DPEP1: variants seen among roughly 807,000 people sequenced by gnomAD.
The protein encoded by DPEP1 is dipeptidase 1.
A neutral mutation model predicts 42.3 loss-of-function variants in DPEP1; 50 were observed. The ratio of observed to expected loss-of-function variants is 1.18; its 90% confidence interval spans 0.94 to 1.50. The LOEUF is 1.50. Among genes scored for constraint, DPEP1 ranks in the 40% most tolerant of loss-of-function variants. The probability of loss-of-function intolerance (pLI) is 0.00; values close to 1 mark genes in which losing one functional copy is unlikely to be tolerated. For missense variants in DPEP1, 663 were observed against 553.0 expected, an observed-to-expected ratio of 1.20 and a Z score of -1.99; for synonymous variants, 297 against 234.0, an observed-to-expected ratio of 1.27 and a Z score of -2.46.
chr16:89,632,297 C>T (rs1207877044), intron 2 of DPEP1, among the ~76,000 whole-genome samples: 2 of 152,206 alleles, frequency 1.3e-5, no homozygotes, highest in Non-Finnish European at 2.9e-5. Flanking sequence ...AGGTGATCCG[C>T]CCGCCTCGGC....
chr16:89,637,018 G>C (rs1336827285), intron 6 of DPEP1, 83 bp downstream of exon 6: 13 of 1,567,224 alleles, frequency 8.3e-6, no homozygotes, highest in Non-Finnish European at 1.1e-5. Context: ...ATCTCCTCAC[G>C]TGGGACCTCA....
rs753647389 is a variant in DPEP1, at chr16:89,636,397, G to A, written c.370+1G>A. The A allele has an allele frequency of 3.7e-6, 6 of 1,610,896 alleles. No individual in the cohort carries two copies. The highest frequency in any genetic ancestry group is 3.3e-5 in the Admixed American group (2 of 59,894). On this transcript the variant is annotated splice_donor_variant, in intron 4 of 10. Coordinates refer to ENST00000690203, the MANE Select transcript of DPEP1 (RefSeq NM_001389466.1). LOFTEE classifies it high-confidence loss of function. ...TTCCTGTATGTCACCAGCAGTGCAG[G>A]TGGGGTCCTGACCTGGGTCCTCCAG... is the stretch of plus-strand genomic sequence containing the variant.
intron 1 of DPEP1, among the ~76,000 whole-genome samples, chr16:89,621,851 G>A (rs2059450564): frequency 6.6e-6 from 1 of 152,172 alleles, no homozygotes; most frequent in South Asian, 2.1e-4. Flanking sequence ...AGGTGTTCTC[G>A]TCTGCGATGA....
rs1195519650 is a variant in DPEP1 at position 89,636,641 on chromosome 16, G to A, written c.479G>A (p.Gly160Asp). The part of the protein sequence containing the change: ...LGVLRALYQL[G>D]MRYLTLTHSC... Reference sequence around the variant, plus strand: ...GTCCTGCGGGCACTCTATCAGCTGGGCATGCGGTACCTGACCCTCACCCAC... The same window carrying A: ...GTCCTGCGGGCACTCTATCAGCTGGACATGCGGTACCTGACCCTCACCCAC... The change falls in exon 5 of 11, where the codon GGC becomes GAC. Residue 160 changes from glycine (G) to aspartate (D), a missense_variant. Transcript: ENST00000690203. The A allele has an allele frequency of 1.2e-6, 2 of 1,612,558 alleles. No homozygotes were observed. Among genetic ancestry groups the A allele is most frequent in the Non-Finnish European group, 1.7e-6 (2 of 1,179,954 alleles).
chr16:89,625,952 C>T (rs968488092), intron 1 of DPEP1, among the ~76,000 whole-genome samples: 1 of 152,202 alleles, frequency 6.6e-6, no homozygotes, highest in East Asian at 1.9e-4. Context: ...ACCCCCAGGA[C>T]GCCCTCGTGT....
chr16:89,637,880 T>C lies in DPEP1; in HGVS notation c.974T>C (p.Ile325Thr). The C allele has an allele frequency of 6.2e-7, 1 of 1,612,696 alleles. No individual in the cohort carries two copies. Among genetic ancestry groups the C allele is most frequent in the Non-Finnish European group, 8.5e-7 (1 of 1,179,862 alleles). Residue 325 changes from isoleucine to threonine, a missense_variant, in exon 10 of 11, where the codon ATC (isoleucine) becomes ACC (threonine). Physicochemically the swap from Ile to Thr is moderately conservative, Grantham distance 89. Transcript: ENST00000690203. ...GACGTCTCCAAGTATCCAGACCTGA[T>C]CGCTGAGCTGCTCAGGAGGAACTGG... ...LEDVSKYPDL[I>T]AELLRRNWTE...
rs142413409 is a variant in DPEP1 at position 89,629,186 on chromosome 16, T to A, written c.-106-1119T>A. Among the ~76,000 whole-genome samples, 281 of 152,308 alleles carry A rather than the reference T, an allele frequency of 1.8e-3. 2 individuals are homozygous for A. The highest frequency in any genetic ancestry group is 5.8e-3 in the African/African-American group (239 of 41,556). On this transcript the variant is annotated intron_variant, in intron 1 of 10. Coordinates refer to ENST00000690203, the MANE Select transcript of DPEP1 (RefSeq NM_001389466.1). ...TTTTTTACATGAATTCTGATTTTTTTAAAATATTGAATGAAAATACGATTT... is the reference window on the plus strand; with the variant it reads ...TTTTTTACATGAATTCTGATTTTTTAAAAATATTGAATGAAAATACGATTT...
chr16:89,623,481 C>A (rs1452194487), intron 1 of DPEP1, among the ~76,000 whole-genome samples: 1 of 152,100 alleles, frequency 6.6e-6, no homozygotes, highest in Admixed American at 6.5e-5. Context: ...GGGAAGTCTG[C>A]AAACCCAACA....
chr16:89,623,462 C>T (rs778946472), intron 1 of DPEP1, among the ~76,000 whole-genome samples: 2 of 152,036 alleles, frequency 1.3e-5, no homozygotes, highest in African/African-American at 4.8e-5. Context: ...AAAGATTGCC[C>T]GCTGCCAAGG....
intron 1 of DPEP1, among the ~76,000 whole-genome samples, chr16:89,621,257 G>C (rs1375035231): frequency 6.6e-6 from 1 of 151,498 alleles, no homozygotes. Flanking sequence ...CCCTGGTGCA[G>C]ATGTGGGCTG....
At chr16:89,618,065 G>A (rs1391209916) in intron 1 of DPEP1, among the ~76,000 whole-genome samples, 1 of 152,002 alleles carries the variant, frequency 6.6e-6, no homozygotes, top group Middle Eastern at 3.2e-3. Context: ...ATCATTCTAA[G>A]TCAAGAAAAA....
chr16:89,639,770 C>T (rs760354976), downstream of DPEP1, among the ~76,000 whole-genome samples: 22 of 152,086 alleles, frequency 1.4e-4, no homozygotes, highest in Non-Finnish European at 2.9e-4. Flanking sequence ...ACTGCAACCT[C>T]CGTCTCCCAG....
chr16:89,613,935 G>A (rs560474280), intron 1 of DPEP1, among the ~76,000 whole-genome samples: 1 of 48,088 alleles, frequency 2.1e-5, no homozygotes, highest in South Asian at 4.9e-4. Flanking sequence ...CTGGGACCAG[G>A]TGTGTGGGGC....
chr16:89,623,966 G>GT (rs2059476346), intron 1 of DPEP1, among the ~76,000 whole-genome samples: 1 of 152,168 alleles, frequency 6.6e-6, no homozygotes, highest in East Asian at 1.9e-4. Context: ...GGGAACAGCG[G>GT]TTGCCCACAC....
chr16:89,621,065 G>A (rs549545921), intron 1 of DPEP1, among the ~76,000 whole-genome samples: 39 of 152,170 alleles, frequency 2.6e-4, no homozygotes, highest in African/African-American at 8.9e-4. Context: ...GGATGGAACC[G>A]GCGGGGGCCT....
chr16:89,620,210 C>T (rs1198379252), intron 1 of DPEP1, among the ~76,000 whole-genome samples: 1 of 151,984 alleles, frequency 6.6e-6, no homozygotes, highest in Non-Finnish European at 1.5e-5. Context: ...AAACTGAGGA[C>T]GGAGTTTGTC....
At chr16:89,632,539 C>CA (rs2151494250) in intron 2 of DPEP1, among the ~76,000 whole-genome samples, 1 of 152,340 alleles carries the variant, frequency 6.6e-6, no homozygotes, top group South Asian at 2.1e-4. Context: ...TCCCCACGAA[C>CA]AGCTGCCTGA....
rs560257544 is a variant in DPEP1 at position 89,638,009 on chromosome 16, C to T, written c.1065+38C>T. Reference sequence around the variant, plus strand: ...TGGCCACCTGAGTCTCCCCCACCACCACCAGCAGGCAGGCTGCCCCACCCG... The same window carrying T: ...TGGCCACCTGAGTCTCCCCCACCACTACCAGCAGGCAGGCTGCCCCACCCG... On this transcript the variant is annotated intron_variant, in intron 10 of 10. Coordinates refer to ENST00000690203, the MANE Select transcript of DPEP1 (RefSeq NM_001389466.1). The T allele has an allele frequency of 3.1e-6, 5 of 1,609,054 alleles. No homozygotes were observed. In the African/African-American group the frequency reaches 5.3e-5, roughly 17 times the overall value.
rs976613374 is a variant in DPEP1 at position 89,638,424 on chromosome 16, C to G, written c.*202C>G. 3 of 1,340,210 alleles carry G rather than the reference C, an allele frequency of 2.2e-6. No homozygotes were observed. The highest frequency in any genetic ancestry group is 3.6e-5 in the Admixed American group (1 of 28,014). 83.0% of individuals were successfully genotyped at this position (1,340,210 alleles called of 1,614,324 possible). ...CAGTAGGCCCGCAATAAAAGCAACA[C>G]CCCTTCACATCCTGGGGTACGTGTC... On this transcript the variant is annotated 3_prime_UTR_variant, in exon 11 of 11. Transcript: ENST00000690203.
Sources: gnomAD v4.1 joint callset for allele counts (sites outside exome capture counted in the v4.1 genomes callset) on GRCh38, gnomAD v4.1.1 for gene constraint, MANE v1.5 for transcripts, NCBI Gene and HGNC (gene_info 2026-07-23, HGNC 2026-07-21) for gene names.